ELAVL4: variants seen among roughly 807,000 people sequenced by gnomAD.
ELAVL4 encodes the protein ELAV-like protein 4.
A neutral mutation model predicts 35.6 loss-of-function variants in ELAVL4; 1 was observed. That is an observed-to-expected ratio of 0.03 (90% CI 0.01 to 0.13). The LOEUF (loss-of-function observed/expected upper bound fraction) is 0.13, where lower values mean the gene tolerates loss of function less well. ELAVL4 is among the 10% of genes least tolerant of loss of function. The probability of loss-of-function intolerance (pLI) is 1.00; values close to 1 mark genes in which losing one functional copy is unlikely to be tolerated. For missense variants in ELAVL4, 267 were observed against 464.9 expected (o/e 0.57, Z 3.91); for synonymous variants, 156 against 171.0 (o/e 0.91, Z 0.69).
intron 1 of ELAVL4, 21 bp downstream of exon 1, chr1:50,109,219 A>G: frequency 6.2e-7 from 1 of 1,611,766 alleles, no homozygotes; most frequent in Non-Finnish European, 8.5e-7. Flanking sequence ...CTAGATTTAT[A>G]ATCTGTTGTT....
intron 1 of ELAVL4, among the ~76,000 whole-genome samples, chr1:50,094,873 T>C (rs1665654277): frequency 6.6e-6 from 1 of 152,114 alleles, no homozygotes; most frequent in Non-Finnish European, 1.5e-5. Flanking sequence ...GAGGTTGCAG[T>C]GAGCCTAGAT....
upstream of ELAVL4, chr1:50,104,005 GT>G (rs1437404937): frequency 4.6e-5 from 75 of 1,613,848 alleles, no homozygotes; most frequent in Non-Finnish European, 6.4e-5. Context: ...GAACAGGTCT[GT>G]TTAGCCACAT....
intron 1 of ELAVL4, chr1:50,109,934 A>C (rs758461484): frequency 2.5e-6 from 4 of 1,612,170 alleles, no homozygotes; most frequent in East Asian, 2.2e-5. Flanking sequence ...TCTTCTTCTG[A>C]TCACAGATGG....
chr1:50,071,031 C>T (rs919465760), intron 1 of ELAVL4, among the ~76,000 whole-genome samples: 2 of 152,078 alleles, frequency 1.3e-5, no homozygotes, highest in Non-Finnish European at 2.9e-5. Context: ...GGCTCCTTAG[C>T]GCCATCCTGC....
intron 2 of ELAVL4, among the ~76,000 whole-genome samples, chr1:50,172,828 G>A (rs952760665): frequency 1.5e-4 from 23 of 152,190 alleles, no homozygotes; most frequent in African/African-American, 5.3e-4. Flanking sequence ...GGATGGGAAA[G>A]CATTTTGTAA....
At chr1:50,079,377 G>A (rs1664910025) in intron 1 of ELAVL4, among the ~76,000 whole-genome samples, 2 of 152,192 alleles carry the variant, frequency 1.3e-5, no homozygotes, top group African/African-American at 4.8e-5. Flanking sequence ...ATCAGGCAAA[G>A]GGAGAAGAGA....
intron 1 of ELAVL4, among the ~76,000 whole-genome samples, chr1:50,086,090 G>T (rs1031616939): frequency 7.9e-5 from 12 of 151,876 alleles, no homozygotes; most frequent in Admixed American, 6.6e-4. Context: ...TGTATCTTTG[G>T]TAAATATTTT....
At chr1:50,050,163 C>G (rs72686792) in intron 1 of ELAVL4, among the ~76,000 whole-genome samples, 3,211 of 152,298 alleles carry the variant, frequency 0.021, 45 homozygotes, top group Non-Finnish European at 0.034. Context: ...GGGTTAATAC[C>G]AACCTCGTAA....
chr1:50,190,458 G>C (rs1222769012), intron 3 of ELAVL4, among the ~76,000 whole-genome samples: 1 of 152,148 alleles, frequency 6.6e-6, no homozygotes, highest in Non-Finnish European at 1.5e-5. Context: ...TGTCATTTTT[G>C]TTTATCCATA....
chr1:50,178,661 C>T (rs1191571683), intron 3 of ELAVL4, among the ~76,000 whole-genome samples: 1 of 152,074 alleles, frequency 6.6e-6, no homozygotes, highest in African/African-American at 2.4e-5. Flanking sequence ...ATGGGGTAGT[C>T]CTCTGAGAGG....
chr1:50,127,987 A>T (rs777260851), intron 1 of ELAVL4, among the ~76,000 whole-genome samples: 32 of 152,148 alleles, frequency 2.1e-4, no homozygotes, highest in Admixed American at 1.2e-3. Context: ...AAATGTCAAG[A>T]GCCCCCATTG....
At chr1:50,103,980 G>T (rs763721261), upstream of ELAVL4, 1 of 1,613,924 alleles carries the variant, frequency 6.2e-7, no homozygotes, top group Non-Finnish European at 8.5e-7. Context: ...AAAATGAGCC[G>T]GCTACAGTCA....
chr1:50,078,106 TTG>T (rs56818675), intron 1 of ELAVL4, among the ~76,000 whole-genome samples: 2,973 of 144,878 alleles, frequency 0.021, 30 homozygotes, highest in Middle Eastern at 0.036. Flanking sequence ...AATATATACC[TTG>T]TGTGTGTGTG....
In ELAVL4 at chr1:50,195,558, C is replaced by G. The variant is rs775113914; in HGVS notation, c.509-3C>G. 6.2e-7 allele frequency: 1 copy of G among 1,613,934 alleles called. No individual in the cohort carries two copies. Among genetic ancestry groups the G allele is most frequent in the African/African-American group, 1.3e-5 (1 of 74,908 alleles). On this transcript the variant is annotated splice_polypyrimidine_tract_variant and splice_region_variant and intron_variant, in intron 4 of 6. Transcript: ENST00000371824. ...TTTACAAAGGCTCTTTCTCTTTCCCCAGGAGTGTCCAGAGGGGTGGGATTC... is the reference window on the plus strand; with the variant it reads ...TTTACAAAGGCTCTTTCTCTTTCCCGAGGAGTGTCCAGAGGGGTGGGATTC...
chr1:50,063,271 T>C (rs1010112802), intron 1 of ELAVL4, among the ~76,000 whole-genome samples: 3 of 152,146 alleles, frequency 2.0e-5, no homozygotes, highest in Non-Finnish European at 4.4e-5. Context: ...TCATACATGG[T>C]GAATATTATT....
upstream of ELAVL4, among the ~76,000 whole-genome samples, chr1:50,102,227 G>A (rs375502617): frequency 6.6e-5 from 10 of 151,860 alleles, no homozygotes; most frequent in South Asian, 2.1e-4. Context: ...CGGAGCTTGC[G>A]GTGAGCCGAG....
chr1:50,073,252 G>T (rs1664612790), intron 1 of ELAVL4, among the ~76,000 whole-genome samples: 1 of 151,920 alleles, frequency 6.6e-6, no homozygotes, highest in African/African-American at 2.4e-5. Context: ...ATAAGCTGAG[G>T]GCCCTCAACT....
intron 5 of ELAVL4, among the ~76,000 whole-genome samples, chr1:50,196,619 C>G (rs1208371444): frequency 6.6e-6 from 1 of 152,192 alleles, no homozygotes; most frequent in Non-Finnish European, 1.5e-5. Flanking sequence ...TATGCTCCAT[C>G]TGGCTACATG....
intron 4 of ELAVL4, among the ~76,000 whole-genome samples, chr1:50,194,975 G>C (rs1368776958): frequency 6.6e-6 from 1 of 152,180 alleles, no homozygotes; most frequent in Non-Finnish European, 1.5e-5. Context: ...TTTGGGGCCA[G>C]ATTGCCAGAG....
Sources: gnomAD v4.1 joint callset for allele counts (sites outside exome capture counted in the v4.1 genomes callset) on GRCh38, gnomAD v4.1.1 for gene constraint, MANE v1.5 for transcripts, NCBI Gene and HGNC (gene_info 2026-07-23, HGNC 2026-07-21) for gene names.